Variants in TMEM212 observed in about 807,000 individuals in gnomAD.
TMEM212 encodes the protein transmembrane protein 212.
Under a neutral mutation model 20.5 loss-of-function variants are expected in TMEM212, and 23 were observed. That is an observed-to-expected ratio of 1.12 (90% CI 0.81 to 1.59). The LOEUF (loss-of-function observed/expected upper bound fraction) is 1.59, where lower values mean the gene tolerates loss of function less well. Among genes scored for constraint, TMEM212 ranks in the 40% most tolerant of loss-of-function variants. TMEM212 has a pLI of 0.00. For synonymous variants in TMEM212, 76 were observed against 81.6 expected, an observed-to-expected ratio of 0.93 and a Z score of 0.37; for missense variants, 211 against 215.0, an observed-to-expected ratio of 0.98 and a Z score of 0.12.
chr3:171,854,077 AT>A (rs1356071037), intron 3 of TMEM212, among the ~76,000 whole-genome samples: 1 of 152,154 alleles, frequency 6.6e-6, no homozygotes, highest in East Asian at 1.9e-4. Context: ...GCACCAGCCA[AT>A]TTTTATGTCA....
intron 2 of TMEM212, among the ~76,000 whole-genome samples, chr3:171,852,351 C>T (rs1188376067): frequency 2.0e-5 from 3 of 152,084 alleles, no homozygotes; most frequent in Non-Finnish European, 4.4e-5. Flanking sequence ...CAGGTGCACG[C>T]CACCATGCCC....
intron 3 of TMEM212, among the ~76,000 whole-genome samples, chr3:171,856,057 C>A (rs988679634): frequency 6.6e-6 from 1 of 151,950 alleles, no homozygotes; most frequent in African/African-American, 2.4e-5. Flanking sequence ...TAACTCTGAG[C>A]CCTGTGATTA....
Position 171,850,507 on chromosome 3 carries a change from G to A in TMEM212, c.160-1475G>A, listed in dbSNP as rs138794762. Among the ~76,000 whole-genome samples, 411 of 152,352 alleles carry A rather than the reference G, an allele frequency of 2.7e-3. 2 individuals are homozygous for A. Among genetic ancestry groups the A allele is most frequent in the African/African-American group, 9.5e-3 (397 of 41,586 alleles). ...GAGTTAAACCAGCAGAGGGGCGTGA[G>A]CCTGTCTCCCTTGCTTATCTGGCTT... is the stretch of plus-strand genomic sequence containing the variant. On this transcript the variant is annotated intron_variant, in intron 1 of 4. Coordinates refer to ENST00000334567, the MANE Select transcript of TMEM212 (RefSeq NM_001164436.2).
Position 171,853,515 on chromosome 3 carries a change from CT to C in TMEM212, c.220-9del. ...TTCCCAAAGTAACAATTTATTTTTG[CT>C]TTATTTTCAGGGGGAAGCTACTTTC... On this transcript the variant is annotated splice_polypyrimidine_tract_variant and intron_variant, in intron 2 of 4. Coordinates refer to ENST00000334567, the MANE Select transcript of TMEM212 (RefSeq NM_001164436.2). The C allele has an allele frequency of 6.6e-7, 1 of 1,524,998 alleles. No individual in the cohort carries two copies. The highest frequency in any genetic ancestry group is 8.8e-7 in the Non-Finnish European group (1 of 1,141,052). 94.5% of individuals were successfully genotyped at this position (1,524,998 alleles called of 1,614,324 possible).
chr3:171,855,090 C>T (rs1335356377), intron 3 of TMEM212, among the ~76,000 whole-genome samples: 1 of 152,050 alleles, frequency 6.6e-6, no homozygotes, highest in East Asian at 1.9e-4. Flanking sequence ...TTAGTTAAAA[C>T]AAGATTTTAT....
rs1724763625 is a variant in TMEM212 at position 171,843,613 on chromosome 3, C to T, written c.159+71C>T. 11 of 1,320,428 alleles carry T rather than the reference C, an allele frequency of 8.3e-6. No individual in the cohort carries two copies. In the South Asian group the frequency reaches 1.6e-4, roughly 19 times the overall value. 81.8% of individuals were successfully genotyped at this position (1,320,428 alleles called of 1,614,324 possible). A position where few individuals can be genotyped will look rare whatever the true frequency, so the allele number is the denominator to read the frequency against. On this transcript the variant is annotated intron_variant, in intron 1 of 4. Coordinates refer to ENST00000334567, the MANE Select transcript of TMEM212 (RefSeq NM_001164436.2). ...GGGAGGGAAAGGGAAAACAGAAGAA[C>T]ATATCCTTTTAAATTGTTCTAACAA...
intron 4 of TMEM212, 157 bp downstream of exon 4, chr3:171,856,864 G>A (rs1037165377): frequency 7.1e-6 from 3 of 420,448 alleles, no homozygotes; most frequent in Non-Finnish European, 1.3e-5. Context: ...GCATCTGACT[G>A]GGATGTTTCC....
intron 1 of TMEM212, among the ~76,000 whole-genome samples, chr3:171,847,561 G>C (rs989693050): frequency 2.0e-5 from 3 of 152,214 alleles, no homozygotes; most frequent in Non-Finnish European, 2.9e-5. Flanking sequence ...ATTTTATTCA[G>C]GATTATTGCA....
At chr3:171,849,599 AG>A (rs1724924723) in intron 1 of TMEM212, among the ~76,000 whole-genome samples, 1 of 152,236 alleles carries the variant, frequency 6.6e-6, no homozygotes, top group African/African-American at 2.4e-5. Context: ...TTATCAGCAC[AG>A]TACCTAGCAC....
intron 1 of TMEM212, among the ~76,000 whole-genome samples, chr3:171,843,914 A>G (rs564055402): frequency 1.3e-5 from 2 of 152,342 alleles, no homozygotes; most frequent in African/African-American, 4.8e-5. Context: ...TAAAATACAG[A>G]ACAAAGTAAA....
At chr3:171,846,935 C>T (rs1288566349) in intron 1 of TMEM212, among the ~76,000 whole-genome samples, 2 of 152,152 alleles carry the variant, frequency 1.3e-5, no homozygotes, top group South Asian at 2.1e-4. Context: ...TTAACATTTC[C>T]TTTTACAGAT....
At chr3:171,851,189 G>A (rs1724969584) in intron 1 of TMEM212, among the ~76,000 whole-genome samples, 1 of 152,120 alleles carries the variant, frequency 6.6e-6, no homozygotes, top group East Asian at 1.9e-4. Context: ...AATGATATAT[G>A]CGGATTAAGA....
intron 1 of TMEM212, among the ~76,000 whole-genome samples, chr3:171,849,748 C>T (rs536613161): frequency 7.9e-5 from 12 of 152,174 alleles, no homozygotes; most frequent in Non-Finnish European, 1.2e-4. Context: ...CTGGGAACTA[C>T]GTCCTCTACT....
At chr3:171,844,007 C>A (rs1724776224) in intron 1 of TMEM212, among the ~76,000 whole-genome samples, 2 of 152,090 alleles carry the variant, frequency 1.3e-5, no homozygotes, top group African/African-American at 4.8e-5. Context: ...ATTTGTTTTT[C>A]CACCTTTCTC....
At position 171,856,691 on chromosome 3, in the gene TMEM212, C is replaced by T. The variant is rs1560328596; in HGVS notation, c.572C>T (p.Pro191Leu). The T allele has an allele frequency of 2.9e-6, 2 of 687,516 alleles. No individual in the cohort carries two copies. The highest frequency in any genetic ancestry group is 4.1e-5 in the Admixed American group (2 of 48,764). The allele number at this position is 687,516 out of a possible 1,614,324, so 42.6% of individuals were successfully genotyped here. The change falls in exon 4 of 5, where the codon CCT (proline) becomes CTT (leucine). Residue 191 changes from proline (P) to leucine (L), a missense_variant. Physicochemically the swap from Pro to Leu is moderately conservative, Grantham distance 98. Transcript: ENST00000334567. Reference sequence around the variant, plus strand: ...CAACTCCCTGCTGGGAACCCAAACCCTTTTTCACCATAAAAGGTAAAATGG... The same window carrying T: ...CAACTCCCTGCTGGGAACCCAAACCTTTTTTCACCATAAAAGGTAAAATGG... ...NMQLPAGNPN[P>L]FSP
chr3:171,843,451 G>A lies in TMEM212; in HGVS notation c.68G>A (p.Gly23Glu). 1 of 1,537,142 alleles carries A rather than the reference G, an allele frequency of 6.5e-7. No homozygotes were observed. Reference protein sequence around the residue: ...VTLGILSVCSGVIAFFPVFSY... With the variant: ...VTLGILSVCSEVIAFFPVFSY... ...CTGGGGATCCTCAGTGTATGCTCTGGAGTTATTGCTTTCTTTCCTGTCTTT... is the reference window on the plus strand; with the variant it reads ...CTGGGGATCCTCAGTGTATGCTCTGAAGTTATTGCTTTCTTTCCTGTCTTT... Residue 23 changes from glycine to glutamate, a missense_variant, in exon 1 of 5, where the codon GGA becomes GAA. Gly to Glu is a moderately conservative substitution (Grantham distance 98). Coordinates refer to ENST00000334567, the MANE Select transcript of TMEM212 (RefSeq NM_001164436.2).
intron 1 of TMEM212, among the ~76,000 whole-genome samples, chr3:171,844,951 G>A (rs934035952): frequency 1.1e-4 from 16 of 152,112 alleles, no homozygotes; most frequent in African/African-American, 2.7e-4. Flanking sequence ...GCAGATAGAC[G>A]GAAGCCAGTG....
chr3:171,847,689 C>G (rs1163725495), intron 1 of TMEM212, among the ~76,000 whole-genome samples: 1 of 152,014 alleles, frequency 6.6e-6, no homozygotes, highest in African/African-American at 2.4e-5. Context: ...TGGAAAATTA[C>G]TAACAGGAAA....
At chr3:171,849,356 T>C (rs1024149100) in intron 1 of TMEM212, among the ~76,000 whole-genome samples, 1 of 152,246 alleles carries the variant, frequency 6.6e-6, no homozygotes, top group African/African-American at 2.4e-5. Context: ...CATTCTCGTG[T>C]GTGCATTATT....
Sources: allele counts gnomAD v4.1 joint callset (sites outside exome capture counted in the v4.1 genomes callset), GRCh38; gene constraint gnomAD v4.1.1; transcripts MANE v1.5; gene names NCBI Gene and HGNC (gene_info 2026-07-23, HGNC 2026-07-21).